SPOCK1: variants seen among roughly 807,000 people sequenced by gnomAD.
The protein encoded by SPOCK1 is testican-1.
Under a neutral mutation model 55.3 loss-of-function variants are expected in SPOCK1, and 23 were observed. The observed-to-expected ratio is 0.42, with a 90% CI of 0.30 to 0.59. SPOCK1 has a LOEUF of 0.59. SPOCK1 is among the 20% of genes least tolerant of loss of function. The pLI, the probability that SPOCK1 is intolerant of heterozygous loss-of-function variation, is 0.22. For synonymous variants in SPOCK1, 226 were observed against 221.0 expected (o/e 1.02, Z -0.20); for missense variants, 499 against 552.5 (o/e 0.90, Z 0.97).
rs553727991 is a variant in SPOCK1 at position 137,015,174 on chromosome 5, G to A, written c.590-22574C>T. ...AGAACAGAGCAGGCCAGGCACGGTG[G>A]CCCATGCCTGTAATCCCAGGACTTT... On this transcript the variant is annotated intron_variant, in intron 6 of 10. Transcript: ENST00000394945. Among the ~76,000 whole-genome samples the A allele has an allele frequency of 2.0e-5, 3 of 152,106 alleles. No individual in the cohort carries two copies. The South Asian group carries it at 6.2e-4, about 32-fold the overall frequency.
At chr5:137,416,864 C>A (rs1752346302) in intron 2 of SPOCK1, among the ~76,000 whole-genome samples, 1 of 152,074 alleles carries the variant, frequency 6.6e-6, no homozygotes, top group Non-Finnish European at 1.5e-5. Context: ...TAATTTTGAA[C>A]ATTTTTATGT....
At chr5:137,162,450 T>C (rs1754577084) in intron 3 of SPOCK1, among the ~76,000 whole-genome samples, 1 of 152,164 alleles carries the variant, frequency 6.6e-6, no homozygotes, top group Admixed American at 6.6e-5. Flanking sequence ...TATAATGCTT[T>C]CTGAAATAAG....
At chr5:137,413,399 CTCTTA>C (rs1752251134) in intron 2 of SPOCK1, among the ~76,000 whole-genome samples, 2 of 152,182 alleles carry the variant, frequency 1.3e-5, no homozygotes, top group Non-Finnish European at 2.9e-5. Context: ...TTACCAACTT[CTCTTA>C]TTTCAAAATT....
At chr5:137,330,772 C>T (rs1255351921) in intron 2 of SPOCK1, among the ~76,000 whole-genome samples, 1 of 152,216 alleles carries the variant, frequency 6.6e-6, no homozygotes, top group Non-Finnish European at 1.5e-5. Context: ...TTCCCAGTCC[C>T]ACATTCACCT....
chr5:137,041,367 T>C (rs1391405968), intron 6 of SPOCK1, among the ~76,000 whole-genome samples: 3 of 152,140 alleles, frequency 2.0e-5, no homozygotes, highest in African/African-American at 4.8e-5. Flanking sequence ...TACTAAACTA[T>C]AAAACATCTA....
intron 2 of SPOCK1, among the ~76,000 whole-genome samples, chr5:137,323,267 G>A (rs1177094710): frequency 1.3e-5 from 2 of 152,138 alleles, no homozygotes; most frequent in Non-Finnish European, 1.5e-5. Context: ...AAAAGAAAAT[G>A]AGACTATTTG....
intron 3 of SPOCK1, among the ~76,000 whole-genome samples, chr5:137,229,825 C>T (rs1756014569): frequency 6.6e-6 from 1 of 152,104 alleles, no homozygotes; most frequent in African/African-American, 2.4e-5. Flanking sequence ...AACCTAGGTC[C>T]CTCACATGTA....
chr5:137,044,472 G>C (rs1432703220), intron 6 of SPOCK1, among the ~76,000 whole-genome samples: 2 of 152,130 alleles, frequency 1.3e-5, no homozygotes, highest in African/African-American at 4.8e-5. Flanking sequence ...TCAAATCTTG[G>C]CTCTGCCATT....
At chr5:137,456,841 C>A (rs570001330) in intron 2 of SPOCK1, among the ~76,000 whole-genome samples, 3 of 152,034 alleles carry the variant, frequency 2.0e-5, no homozygotes, top group Non-Finnish European at 4.4e-5. Context: ...ATCATGATAC[C>A]AAACAGACTA....
intron 5 of SPOCK1, among the ~76,000 whole-genome samples, chr5:137,075,995 A>G (rs1447826216): frequency 6.6e-6 from 1 of 152,246 alleles, no homozygotes; most frequent in Non-Finnish European, 1.5e-5. Context: ...CAGATGAGGA[A>G]GGACTTGAAG....
Position 137,052,455 on chromosome 5 carries a change from C to T in SPOCK1, c.589+15260G>A, listed in dbSNP as rs546344210. ...ACACATCACTTGTGGCACATCTTTT[C>T]TGAAAGAATTTCTGCTAGTATGTAA... On this transcript the variant is annotated intron_variant, in intron 6 of 10. Transcript: ENST00000394945. Among the ~76,000 whole-genome samples, 345 of 152,294 alleles carry T rather than the reference C, an allele frequency of 2.3e-3. 1 individual carries two copies. The highest frequency in any genetic ancestry group is 3.9e-3 in the Non-Finnish European group (262 of 68,024).
intron 6 of SPOCK1, among the ~76,000 whole-genome samples, chr5:137,054,551 C>A (rs572002520): frequency 8.5e-5 from 13 of 152,220 alleles, no homozygotes; most frequent in African/African-American, 3.1e-4. Context: ...GACAAGGAGG[C>A]AACAAACCAG....
chr5:137,113,146 T>C (rs1228560440), intron 4 of SPOCK1, among the ~76,000 whole-genome samples: 3 of 152,244 alleles, frequency 2.0e-5, no homozygotes, highest in Non-Finnish European at 4.4e-5. Flanking sequence ...GATGTCACTT[T>C]CAACTGTTAA....
At chr5:137,199,360 G>A (rs2127075034) in intron 3 of SPOCK1, among the ~76,000 whole-genome samples, 1 of 152,266 alleles carries the variant, frequency 6.6e-6, no homozygotes, top group Non-Finnish European at 1.5e-5. Flanking sequence ...CATCTCAGCT[G>A]TGGTTTTTGT....
chr5:137,434,527 C>G (rs1294592139), intron 2 of SPOCK1, among the ~76,000 whole-genome samples: 1 of 107,924 alleles, frequency 9.3e-6, no homozygotes, highest in African/African-American at 3.6e-5. Flanking sequence ...GAGTCTCGCT[C>G]TGTCACACAG....
intron 6 of SPOCK1, among the ~76,000 whole-genome samples, chr5:137,050,180 T>TTCCC (rs1282777980): frequency 1.6e-5 from 1 of 61,386 alleles, no homozygotes; most frequent in African/African-American, 5.7e-5. Flanking sequence ...CAGTTCGAGC[T>TTCCC]TCCCGGCTGC....
At chr5:137,103,032 C>T (rs1251519966) in intron 5 of SPOCK1, among the ~76,000 whole-genome samples, 1 of 151,802 alleles carries the variant, frequency 6.6e-6, no homozygotes, top group Admixed American at 6.6e-5. Context: ...GCTCTGTTGC[C>T]CAGGCTAGAG....
At chr5:137,465,535 G>A (rs1019982892) in intron 2 of SPOCK1, among the ~76,000 whole-genome samples, 25 of 151,702 alleles carry the variant, frequency 1.6e-4, no homozygotes, top group Non-Finnish European at 2.9e-4. Context: ...GAACTGTCAG[G>A]GATTTTTGCT....
chr5:137,245,776 CAAAAA>C (rs143599362), intron 3 of SPOCK1, among the ~76,000 whole-genome samples: 58 of 140,910 alleles, frequency 4.1e-4, no homozygotes, highest in African/African-American at 1.4e-3. Flanking sequence ...CAAAACAAAA[CAAAAA>C]AAAAACAAAA....
Sources: gnomAD v4.1 joint callset for allele counts (sites outside exome capture counted in the v4.1 genomes callset) on GRCh38, gnomAD v4.1.1 for gene constraint, MANE v1.5 for transcripts, NCBI Gene and HGNC (gene_info 2026-07-23, HGNC 2026-07-21) for gene names.